Variants in ACSF2 observed in about 807,000 individuals in gnomAD.
ACSF2 encodes acyl-CoA synthetase family member 2.
In ACSF2, 52 loss-of-function variants were observed where a neutral mutation model predicts 79.3. That is an observed-to-expected ratio of 0.66 (90% CI 0.53 to 0.83). ACSF2 has a LOEUF of 0.83. ACSF2 is among the 40% of genes least tolerant of loss of function. ACSF2 has a pLI of 0.00. For missense variants in ACSF2, 661 were observed against 803.3 expected (o/e 0.82, Z 2.14); for synonymous variants, 283 against 312.6 (o/e 0.91, Z 1.00).
rs528019117 is a variant in ACSF2, at chr17:50,463,027, T to C, written c.793-129T>C. On this transcript the variant is annotated intron_variant, in intron 6 of 15. Coordinates refer to ENST00000300441, the MANE Select transcript of ACSF2 (RefSeq NM_025149.6). The surrounding 1 kb of genome is among the most constrained non-coding windows in gnomAD (Gnocchi z 4.6). ...TATCGTGGTAGACCTTTTGCAAATA[T>C]ACTGAACAGATGGATCTGGGGCAAC... The C allele has an allele frequency of 7.7e-6, 6 of 776,444 alleles. No homozygotes were observed. Among genetic ancestry groups the C allele is most frequent in the East Asian group, 2.4e-5 (1 of 40,958 alleles). The allele number at this position is 776,444 out of a possible 1,614,324, so 48.1% of individuals were successfully genotyped here.
chr17:50,459,053 T>A (rs1320195581), intron 1 of ACSF2, among the ~76,000 whole-genome samples: 1 of 152,212 alleles, frequency 6.6e-6, no homozygotes, highest in Non-Finnish European at 1.5e-5. Flanking sequence ...GTCGAAAGCA[T>A]GGTCGATAAA....
intron 10 of ACSF2, chr17:50,465,488 G>T (rs952709809): frequency 6.2e-7 from 1 of 1,602,660 alleles, no homozygotes; most frequent in Non-Finnish European, 8.5e-7. Flanking sequence ...TGGGAGTGCT[G>T]GGGGGAAGGG....
At chr17:50,470,874 C>A (rs1278221562) in intron 10 of ACSF2, 154 bp from the exon 11 acceptor site, 1 of 640,472 alleles carries the variant, frequency 1.6e-6, no homozygotes, top group Non-Finnish European at 2.8e-6. Flanking sequence ...CCTCCTGACC[C>A]CAGGCCCCTA....
Position 50,460,881 on chromosome 17 carries a change from T to C in ACSF2, c.324+9T>C, listed in dbSNP as rs1198457620. On this transcript the variant is annotated intron_variant, in intron 2 of 15. Coordinates refer to ENST00000300441, the MANE Select transcript of ACSF2 (RefSeq NM_025149.6). The stretch of plus-strand genomic sequence containing the variant: ...CCCAACTCAAGGAGGAGGTGGGTCC[T>C]GACCTGGAAACCTCAAAGTGGGCAA... The C allele has an allele frequency of 2.5e-6, 4 of 1,603,676 alleles. No homozygotes were observed. Among genetic ancestry groups the C allele is most frequent in the Middle Eastern group, 1.7e-4 (1 of 6,048 alleles).
intron 1 of ACSF2, among the ~76,000 whole-genome samples, chr17:50,453,289 A>G (rs2031788763): frequency 6.6e-6 from 1 of 151,418 alleles, no homozygotes; most frequent in African/African-American, 2.4e-5. Context: ...GCTCACTGCA[A>G]CCTCTACCTC....
Position 50,461,802 on chromosome 17 carries a change from CAG to C in ACSF2, c.507+119_507+120del, listed in dbSNP as rs1462343023. ...AGGGCATGCATAGGCGGGTGATACG[CAG>C]AGTGTCCTTCCTTAGGCCATGTGTG... On this transcript the variant is annotated intron_variant, in intron 4 of 15. Transcript: ENST00000300441. 10 of 1,320,788 alleles carry C rather than the reference CAG, an allele frequency of 7.6e-6. No homozygotes were observed. In the Admixed American group the frequency reaches 1.0e-4, roughly 14 times the overall value. 81.8% of individuals were successfully genotyped at this position (1,320,788 alleles called of 1,614,324 possible).
Position 50,474,252 on chromosome 17 carries a change from C to T in ACSF2, c.1782C>T (p.Leu594=), listed in dbSNP as rs1300398562. Residue 594 remains leucine (L), a synonymous_variant, in exon 15 of 16, where the codon CTC becomes CTT. Transcript: ENST00000300441. The surrounding 1 kb of genome is among the most constrained non-coding windows in gnomAD (Gnocchi z 4.2). ...KYIVFVTNYP[L]TISGKIQKFK... Reference sequence around the variant, plus strand: ...TCGTGTTTGTCACAAACTACCCCCTCACCATTTCAGGAAAGGTGTGTAAGG... The same window carrying T: ...TCGTGTTTGTCACAAACTACCCCCTTACCATTTCAGGAAAGGTGTGTAAGG... 5 of 1,614,254 alleles carry T rather than the reference C, an allele frequency of 3.1e-6. No individual in the cohort carries two copies. The highest frequency in any genetic ancestry group is 4.2e-6 in the Non-Finnish European group (5 of 1,180,046).
At chr17:50,438,293 C>T (rs2030593624) in intron 1 of ACSF2, among the ~76,000 whole-genome samples, 1 of 152,198 alleles carries the variant, frequency 6.6e-6, no homozygotes, top group Non-Finnish European at 1.5e-5. Context: ...AGCTCAAGAT[C>T]TAAGATATTA....
chr17:50,455,826 C>T (rs145603442), intron 1 of ACSF2, among the ~76,000 whole-genome samples: 87 of 152,288 alleles, frequency 5.7e-4, no homozygotes, highest in African/African-American at 2.0e-3. Flanking sequence ...CCCCGTGTCC[C>T]CCGAGCTTCA....
intron 10 of ACSF2, chr17:50,465,844 T>C (rs1395258171): frequency 6.2e-7 from 1 of 1,613,762 alleles, no homozygotes; most frequent in Admixed American, 1.7e-5. Flanking sequence ...TCAGCGTGGT[T>C]ACACCCAGGA....
intron 10 of ACSF2, among the ~76,000 whole-genome samples, chr17:50,467,464 A>G (rs2032806476): frequency 6.6e-6 from 1 of 152,168 alleles, no homozygotes; most frequent in African/African-American, 2.4e-5. Flanking sequence ...GTCTGTGTGG[A>G]TTGGGCAGGG....
intron 1 of ACSF2, among the ~76,000 whole-genome samples, chr17:50,442,654 CG>C (rs761660006): frequency 7.2e-5 from 11 of 152,066 alleles, no homozygotes; most frequent in Admixed American, 3.9e-4. Context: ...TTTGTAGAGA[CG>C]GGGTCTCAAT....
chr17:50,468,607 A>G (rs749758937), intron 10 of ACSF2: 2 of 1,614,210 alleles, frequency 1.2e-6, no homozygotes, highest in South Asian at 2.2e-5. Flanking sequence ...CCCGGAACGA[A>G]TTGGCAGCCA....
At chr17:50,461,193 C>G in intron 2 of ACSF2, 49 bp from the exon 3 acceptor site, 4 of 1,612,528 alleles carry the variant, frequency 2.5e-6, no homozygotes, top group Non-Finnish European at 1.7e-6. Flanking sequence ...GTCTTGGGCC[C>G]CTTCCTGCTT....
intron 1 of ACSF2, among the ~76,000 whole-genome samples, chr17:50,459,684 T>C (rs929803779): frequency 6.6e-6 from 1 of 152,120 alleles, no homozygotes; most frequent in Non-Finnish European, 1.5e-5. Context: ...GGGTAGTTCC[T>C]GAAAGGCCGA....
Position 50,471,279 on chromosome 17 carries a change from G to T in ACSF2, c.1323+144G>T. The T allele has an allele frequency of 1.5e-6, 1 of 665,024 alleles. No homozygotes were observed. Among genetic ancestry groups the T allele is most frequent in the Non-Finnish European group, 2.7e-6 (1 of 374,752 alleles). 41.2% of individuals were successfully genotyped at this position (665,024 alleles called of 1,614,324 possible). ...GCCCCCCAGCAGCAGGGGTGTGCTA[G>T]GCCTGGCCCGGAGTGTTCTCTGTGG... On this transcript the variant is annotated intron_variant, in intron 11 of 15. Coordinates refer to ENST00000300441, the MANE Select transcript of ACSF2 (RefSeq NM_025149.6). This position sits in a 1 kb window ranked among gnomAD's most constrained non-coding sequence, Gnocchi z 4.1.
At chr17:50,454,169 AT>A (rs34569538) in intron 1 of ACSF2, among the ~76,000 whole-genome samples, 23,316 of 113,042 alleles carry the variant, frequency 0.21, 2,420 homozygotes, top group Non-Finnish European at 0.26. Flanking sequence ...ACCGTCCCAA[AT>A]TTTTTTTTTT....
chr17:50,461,574 G>A lies in ACSF2; in HGVS notation c.454-59G>A, dbSNP rs2032328416. 2.0e-5 allele frequency: 32 copies of A among 1,612,066 alleles called. 1 individual carries two copies. The South Asian group carries it at 3.2e-4, about 16-fold the overall frequency. ...CCTCTATGCCTCCTGGGGGCGGAGG[G>A]GCAGCAGGAGGGACAGGGTCTGCCC... On this transcript the variant is annotated intron_variant, in intron 3 of 15. Transcript: ENST00000300441.
At chr17:50,468,534 C>T (rs1199310167) in intron 10 of ACSF2, 1 of 1,614,246 alleles carries the variant, frequency 6.2e-7, no homozygotes, top group South Asian at 1.1e-5. Flanking sequence ...CCGCGGAAGG[C>T]ACCGGCGGCC....
Sources: allele counts gnomAD v4.1 joint callset (sites outside exome capture counted in the v4.1 genomes callset), GRCh38; gene constraint gnomAD v4.1.1; non-coding constraint Gnocchi (gnomAD v3.1); transcripts MANE v1.5; gene names NCBI Gene and HGNC (gene_info 2026-07-23, HGNC 2026-07-21).